The following CAMSAP2 variants were observed in gnomAD, a reference collection of about 807,000 sequenced individuals.
The protein encoded by CAMSAP2 is calmodulin-regulated spectrin-associated protein 2.
CAMSAP2 carries 26 observed loss-of-function variants against 146.1 expected under a neutral mutation model. That is an observed-to-expected ratio of 0.18 (90% confidence interval 0.13 to 0.25). The LOEUF (loss-of-function observed/expected upper bound fraction) is 0.25. Ranked by LOEUF, CAMSAP2 falls within the 10% of genes least tolerant of loss-of-function variation. CAMSAP2 has a pLI of 1.00. For missense variants in CAMSAP2, 1,381 were observed against 1,759.3 expected (o/e 0.78, Z 3.85); for synonymous variants, 499 against 596.6 (o/e 0.84, Z 2.38).
rs146258682 is a variant in CAMSAP2, at chr1:200,779,143, G to A, written c.399+18045G>A. Among the ~76,000 whole-genome samples, 296 of 152,194 alleles carry A rather than the reference G, an allele frequency of 1.9e-3. 1 individual carries two copies. The highest frequency in any genetic ancestry group is 6.9e-3 in the African/African-American group (288 of 41,540). ...CATTTTTCCCTATTAATGAATATAGGTCTATACCATGATTTTTGAAGGCTG... is the reference window on the plus strand; with the variant it reads ...CATTTTTCCCTATTAATGAATATAGATCTATACCATGATTTTTGAAGGCTG... On this transcript the variant is annotated intron_variant, in intron 2 of 16. Coordinates refer to ENST00000358823, the MANE Select transcript of CAMSAP2 (RefSeq NM_203459.4).
chr1:200,803,278 T>C (rs902985488), intron 2 of CAMSAP2, among the ~76,000 whole-genome samples: 1 of 152,154 alleles, frequency 6.6e-6, no homozygotes, highest in African/African-American at 2.4e-5. Context: ...ATCTGTAAAA[T>C]AGGTAGAGTA....
intron 7 of CAMSAP2, among the ~76,000 whole-genome samples, chr1:200,844,560 G>GA (rs201475826): frequency 6.6e-6 from 1 of 151,950 alleles, no homozygotes; most frequent in Admixed American, 6.6e-5. Flanking sequence ...AAAAAAGAAA[G>GA]AAAATTTTTT....
chr1:200,752,055 G>A (rs1284684948), intron 1 of CAMSAP2, among the ~76,000 whole-genome samples: 5 of 152,106 alleles, frequency 3.3e-5, no homozygotes, highest in African/African-American at 1.2e-4. Context: ...AACATAATCT[G>A]TGGCTCAAAG....
rs1232384964 is a variant in CAMSAP2, at chr1:200,739,465, T to TC, written c.-358dup. 6.9e-6 allele frequency: 1 copy of TC among 144,246 alleles called. No homozygotes were observed. Among genetic ancestry groups the TC allele is most frequent in the Non-Finnish European group, 1.5e-5 (1 of 65,724 alleles). The allele number at this position is 144,246 out of a possible 1,614,324, so 8.9% of individuals were successfully genotyped here. A position where few individuals can be genotyped will look rare whatever the true frequency, so the allele number is the denominator to read the frequency against. The stretch of plus-strand genomic sequence containing the variant: ...TTCCGGGCCCTTCCAGCCTCCACCC[T>TC]CCCCCAAGCCCGTGTGACTAAACCG... On this transcript the variant is annotated 5_prime_UTR_variant, in exon 1 of 17. Coordinates refer to ENST00000358823, the MANE Select transcript of CAMSAP2 (RefSeq NM_203459.4). The surrounding 1 kb of genome is among the most constrained non-coding windows in gnomAD (Gnocchi z 4.8).
intron 2 of CAMSAP2, among the ~76,000 whole-genome samples, chr1:200,784,221 G>A (rs1474560768): frequency 1.3e-5 from 2 of 151,634 alleles, no homozygotes; most frequent in South Asian, 2.1e-4. Context: ...TAAGCCATCC[G>A]GCTTTGTTGT....
chr1:200,773,499 C>G (rs534827156), intron 2 of CAMSAP2, among the ~76,000 whole-genome samples: 1 of 152,118 alleles, frequency 6.6e-6, no homozygotes, highest in Non-Finnish European at 1.5e-5. Flanking sequence ...TCACATGATC[C>G]GCCTGCCTCA....
intron 1 of CAMSAP2, among the ~76,000 whole-genome samples, chr1:200,759,780 C>A (rs1320081394): frequency 6.6e-6 from 1 of 152,162 alleles, no homozygotes; most frequent in African/African-American, 2.4e-5. Flanking sequence ...ATGTTAACCT[C>A]TAACTCAGAA....
At chr1:200,742,872 C>G (rs1664219352) in intron 1 of CAMSAP2, among the ~76,000 whole-genome samples, 1 of 151,784 alleles carries the variant, frequency 6.6e-6, no homozygotes, top group South Asian at 2.1e-4. Context: ...TGTTGTAATA[C>G]CTAGAAAGCA....
At chr1:200,807,253 T>G in intron 2 of CAMSAP2, 123 bp from the exon 3 acceptor site, 1 of 644,092 alleles carries the variant, frequency 1.6e-6, no homozygotes, top group Non-Finnish European at 2.3e-6. Context: ...GCTTTCTTAT[T>G]AAGGCTGGTC....
chr1:200,845,276 G>A (rs1667432956), intron 8 of CAMSAP2, among the ~76,000 whole-genome samples: 1 of 150,606 alleles, frequency 6.6e-6, no homozygotes, highest in South Asian at 2.1e-4. Context: ...TTCTTGTTAG[G>A]ATAGCTATTG....
At chr1:200,772,463 G>A (rs1316925697) in intron 2 of CAMSAP2, among the ~76,000 whole-genome samples, 6 of 152,096 alleles carry the variant, frequency 3.9e-5, no homozygotes, top group African/African-American at 1.4e-4. Flanking sequence ...ACAAAAACTA[G>A]CCAAGTGTGG....
chr1:200,824,708 G>A (rs550301630), intron 4 of CAMSAP2, among the ~76,000 whole-genome samples: 12 of 152,194 alleles, frequency 7.9e-5, no homozygotes, highest in Non-Finnish European at 1.6e-4. Flanking sequence ...GCCGGGCATG[G>A]TGGCTCAAGC....
chr1:200,848,580 A>C lies in CAMSAP2; in HGVS notation c.1811A>C (p.Asp604Ala). ...DTKGALSPIT[D>A]NTEVDTGIHV... ...AAAGGTGCCTTGAGTCCCATAACTGACAATACTGAAGTAGACACTGGAATT... is the reference window on the plus strand; with the variant it reads ...AAAGGTGCCTTGAGTCCCATAACTGCCAATACTGAAGTAGACACTGGAATT... The change falls in exon 11 of 17, where the codon GAC becomes GCC. Residue 604 changes from aspartate to alanine, a missense_variant. By Grantham distance (126) the Asp-to-Ala change is moderately radical. Coordinates refer to ENST00000358823, the MANE Select transcript of CAMSAP2 (RefSeq NM_203459.4). The C allele has an allele frequency of 6.2e-7, 1 of 1,614,098 alleles. No individual in the cohort carries two copies. The highest frequency in any genetic ancestry group is 8.5e-7 in the Non-Finnish European group (1 of 1,179,946).
At chr1:200,814,151 T>TGGGCGG (rs1558189042) in intron 3 of CAMSAP2, among the ~76,000 whole-genome samples, 2 of 8,996 alleles carry the variant, frequency 2.2e-4, no homozygotes, top group Non-Finnish European at 4.2e-4. Context: ...GGTGGGCGGG[T>TGGGCGG]GGGGAATGAA....
chr1:200,772,250 G>A (rs1665137204), intron 2 of CAMSAP2, among the ~76,000 whole-genome samples: 1 of 151,858 alleles, frequency 6.6e-6, no homozygotes, highest in East Asian at 1.9e-4. Flanking sequence ...AAAAAATATG[G>A]GTTGTGACCA....
Position 200,850,104 on chromosome 1 carries a change from T to G in CAMSAP2, c.3335T>G (p.Leu1112Arg). ...FPPTAPKNVNLIEVSLSDLKP... is the reference protein window; with the variant it reads ...FPPTAPKNVNRIEVSLSDLKP... The stretch of plus-strand genomic sequence containing the variant: ...CCCACTGCTCCAAAAAATGTTAATC[T>G]GATTGAAGTTTCCCTCTCAGATTTG... The change falls in exon 11 of 17, where the codon CTG (leucine) becomes CGG (arginine). Residue 1112 changes from leucine to arginine, a missense_variant. Physicochemically the swap from Leu to Arg is moderately radical, Grantham distance 102. This residue lies in a region of CAMSAP2 where 560 missense variants were observed against 715.9 expected (regional missense o/e 0.78). Coordinates refer to ENST00000358823, the MANE Select transcript of CAMSAP2 (RefSeq NM_203459.4). 1 of 1,614,098 alleles carries G rather than the reference T, an allele frequency of 6.2e-7. No individual in the cohort carries two copies. Among genetic ancestry groups the G allele is most frequent in the South Asian group, 1.1e-5 (1 of 91,058 alleles).
In CAMSAP2 at chr1:200,853,965, A is replaced by G. The variant is rs1667687348; in HGVS notation, c.3823+470A>G. ...GAATATATTTTCTTTAAAAGTCAGT[A>G]TACATACTCATTATTACTATTATTA... is the stretch of plus-strand genomic sequence containing the variant. On this transcript the variant is annotated intron_variant, in intron 13 of 16. Transcript: ENST00000358823. This position sits in a 1 kb window ranked among gnomAD's most constrained non-coding sequence, Gnocchi z 5.1. 6.6e-6 allele frequency among the ~76,000 whole-genome samples: 1 copy of G among 152,144 alleles called. No homozygotes were observed. The highest frequency in any genetic ancestry group is 2.1e-4 in the South Asian group (1 of 4,828).
In CAMSAP2 at chr1:200,807,402, C is replaced by T; in HGVS notation, c.426C>T (p.Thr142=). ...GTGCACATTTGGCCATGATCGATAC[C>T]CTCATGATGGCTTATACTGTAGAAA... ...QMSAHLAMID[T]LMMAYTVEMV... The change falls in exon 3 of 17, where the codon ACC becomes ACT. Residue 142 remains threonine, a synonymous_variant. Transcript: ENST00000358823. 6.3e-7 allele frequency: 1 copy of T among 1,579,838 alleles called. No homozygotes were observed. Among genetic ancestry groups the T allele is most frequent in the Non-Finnish European group, 8.6e-7 (1 of 1,161,340 alleles).
chr1:200,807,904 C>G (rs1666225997), intron 3 of CAMSAP2, among the ~76,000 whole-genome samples: 1 of 152,058 alleles, frequency 6.6e-6, no homozygotes, highest in African/African-American at 2.4e-5. Context: ...CCACACCCGG[C>G]TAATTTTTGT....
Sources: gnomAD v4.1 joint callset for allele counts (sites outside exome capture counted in the v4.1 genomes callset) on GRCh38, gnomAD v4.1.1 for gene constraint, gnomAD v4.1.1 regional missense constraint, Gnocchi (gnomAD v3.1) non-coding constraint, MANE v1.5 for transcripts, NCBI Gene and HGNC (gene_info 2026-07-23, HGNC 2026-07-21) for gene names.